The following COL6A6 variants were observed in gnomAD, a reference collection of about 807,000 sequenced individuals.
COL6A6 encodes the protein collagen alpha-6(VI) chain.
In COL6A6, 183 loss-of-function variants were observed where a neutral mutation model predicts 208.6. The ratio of observed to expected loss-of-function variants is 0.88; its 90% CI spans 0.78 to 0.99. The LOEUF is 0.99. COL6A6 is among the 50% of genes least tolerant of loss of function. The probability of loss-of-function intolerance (pLI) is 0.00; values close to 1 mark genes in which losing one functional copy is unlikely to be tolerated. For missense variants in COL6A6, 2,816 were observed against 2,815.2 expected (o/e 1.00, Z -0.01); for synonymous variants, 973 against 1,011.8 (o/e 0.96, Z 0.73).
At position 130,593,045 on chromosome 3, in the gene COL6A6, A is replaced by T. The variant is rs2063757579; in HGVS notation, c.4372-16A>T. ...GCACGTGATGTACTCTGTTCTAATC[A>T]TATCTATCTTTTCAGGGAGAAGTTG... On this transcript the variant is annotated splice_polypyrimidine_tract_variant and intron_variant, in intron 15 of 36. Transcript: ENST00000358511. 6.2e-7 allele frequency: 1 copy of T among 1,611,066 alleles called. No individual in the cohort carries two copies. The highest frequency in any genetic ancestry group is 8.5e-7 in the Non-Finnish European group (1 of 1,177,324).
Position 130,563,241 on chromosome 3 carries a change from C to T in COL6A6, c.238C>T (p.His80Tyr). Reference protein sequence around the residue: ...QYSDKLHSEFHLSTFKGRSPM... With the variant: ...QYSDKLHSEFYLSTFKGRSPM... ...CAGTGATAAACTTCACAGTGAATTC[C>T]ACCTGAGCACCTTCAAAGGCAGGAG... Residue 80 changes from histidine (H) to tyrosine (Y), a missense_variant, in exon 3 of 37, where the codon CAC (histidine) becomes TAC (tyrosine). His to Tyr is a moderately conservative substitution (Grantham distance 83). Coordinates refer to ENST00000358511, the MANE Select transcript of COL6A6 (RefSeq NM_001102608.3). 6.2e-7 allele frequency: 1 copy of T among 1,614,010 alleles called. No homozygotes were observed. The highest frequency in any genetic ancestry group is 1.1e-5 in the South Asian group (1 of 91,080).
At chr3:130,600,592 T>C (rs1239672329) in intron 20 of COL6A6, among the ~76,000 whole-genome samples, 1 of 152,154 alleles carries the variant, frequency 6.6e-6, no homozygotes, top group African/African-American at 2.4e-5. Context: ...GGAGCCATCA[T>C]CCTCAGGAAA....
intron 7 of COL6A6, among the ~76,000 whole-genome samples, chr3:130,573,590 G>A (rs975420020): frequency 5.5e-5 from 8 of 144,366 alleles, no homozygotes; most frequent in Non-Finnish European, 1.1e-4. Context: ...TTTTTGAGAC[G>A]GGGTCTTGCT....
chr3:130,675,167 AT>A, intron 36 of COL6A6, 34 bp from the exon 37 acceptor site: 1 of 1,354,992 alleles, frequency 7.4e-7, no homozygotes, highest in Non-Finnish European at 9.9e-7. Flanking sequence ...TTGAAATGGC[AT>A]TTATCTTCTA....
chr3:130,634,845 T>G (rs1416911747), intron 27 of COL6A6, among the ~76,000 whole-genome samples: 2 of 152,210 alleles, frequency 1.3e-5, no homozygotes, highest in Non-Finnish European at 2.9e-5. Flanking sequence ...GTTTTTTAAT[T>G]AGTATGAGAA....
At chr3:130,626,321 A>G (rs1317926827) in intron 24 of COL6A6, among the ~76,000 whole-genome samples, 164 bp from the exon 25 acceptor site, 1 of 152,216 alleles carries the variant, frequency 6.6e-6, no homozygotes, top group Non-Finnish European at 1.5e-5. Context: ...TCACTGATCA[A>G]TGGAGGACAC....
At chr3:130,569,753 C>T (rs993644286) in intron 6 of COL6A6, among the ~76,000 whole-genome samples, 1 of 152,182 alleles carries the variant, frequency 6.6e-6, no homozygotes, top group East Asian at 1.9e-4. Context: ...TCAAAGACCA[C>T]GGGGACATAG....
At chr3:130,583,803 T>C (rs796670342) in intron 10 of COL6A6, among the ~76,000 whole-genome samples, 5 of 152,302 alleles carry the variant, frequency 3.3e-5, no homozygotes, top group African/African-American at 9.6e-5. Context: ...AAGAAAGTGG[T>C]TTTCTGTATG....
At chr3:130,623,078 C>T (rs779041807) in intron 24 of COL6A6, among the ~76,000 whole-genome samples, 6 of 152,086 alleles carry the variant, frequency 3.9e-5, no homozygotes, top group East Asian at 1.9e-4. Flanking sequence ...GTGGCCAGCA[C>T]GGTGTTATCT....
At chr3:130,586,438 A>G (rs940837512) in intron 10 of COL6A6, 68 bp from the exon 11 acceptor site, 4 of 1,415,620 alleles carry the variant, frequency 2.8e-6, no homozygotes, top group Non-Finnish European at 3.8e-6. Flanking sequence ...AACAATTTAA[A>G]TATGCTTGCA....
intron 26 of COL6A6, among the ~76,000 whole-genome samples, chr3:130,634,242 TAAAAAAA>T (rs202193097): frequency 1.7e-4 from 4 of 23,806 alleles, no homozygotes; most frequent in Non-Finnish European, 2.4e-4. Context: ...AATAAATAAA[TAAAAAAA>T]AAAAAAAAAA....
chr3:130,643,494 T>C (rs375592745), intron 31 of COL6A6, among the ~76,000 whole-genome samples: 2 of 152,344 alleles, frequency 1.3e-5, no homozygotes, highest in African/African-American at 4.8e-5. Context: ...TATTTTTTGT[T>C]GGACTGATTG....
chr3:130,622,315 G>C (rs2108274536), intron 24 of COL6A6, among the ~76,000 whole-genome samples: 1 of 151,356 alleles, frequency 6.6e-6, no homozygotes, highest in South Asian at 2.1e-4. Context: ...TCAGCTCCAG[G>C]AGAGACATCT....
chr3:130,656,324 C>T (rs2065788065), intron 33 of COL6A6, among the ~76,000 whole-genome samples: 1 of 152,172 alleles, frequency 6.6e-6, no homozygotes, highest in African/African-American at 2.4e-5. Context: ...TGAAGAGGAG[C>T]TTTATTGAGT....
rs2065358553 is a variant in COL6A6, at chr3:130,642,885, A to T, written c.5190+18A>T. On this transcript the variant is annotated intron_variant, in intron 30 of 36. Coordinates refer to ENST00000358511, the MANE Select transcript of COL6A6 (RefSeq NM_001102608.3). ...CATTTTCTGTACGTATCTCCCGACTACAACAGAGTGCTCTGAGTGCTCCAT... is the reference window on the plus strand; with the variant it reads ...CATTTTCTGTACGTATCTCCCGACTTCAACAGAGTGCTCTGAGTGCTCCAT... 1 of 1,613,562 alleles carries T rather than the reference A, an allele frequency of 6.2e-7. No individual in the cohort carries two copies.
rs865905649 is a variant in COL6A6 at position 130,599,782 on chromosome 3, C to G, written c.4625C>G (p.Pro1542Arg). The G allele has an allele frequency of 1.3e-5, 21 of 1,613,626 alleles. No individual in the cohort carries two copies. The African/African-American group carries it at 2.4e-4, about 18-fold the overall frequency. Residue 1542 changes from proline to arginine, a missense_variant, in exon 20 of 37, where the codon CCC becomes CGC. Coordinates refer to ENST00000358511, the MANE Select transcript of COL6A6 (RefSeq NM_001102608.3). ...GGCAGAAGAGGCTGGCCAGGCCCCC[C>G]CGGGACACCAGGCTCCAGAAGAAAG... ...RQGRRGWPGP[P>R]GTPGSRRKTA...
chr3:130,541,072 G>A (rs1452521772), intron 1 of COL6A6, among the ~76,000 whole-genome samples: 1 of 152,080 alleles, frequency 6.6e-6, no homozygotes, highest in Non-Finnish European at 1.5e-5. Flanking sequence ...GGTCTTTGAG[G>A]AATCCAATGT....
At chr3:130,532,369 C>T (rs1169111227) in intron 1 of COL6A6, among the ~76,000 whole-genome samples, 1 of 152,162 alleles carries the variant, frequency 6.6e-6, no homozygotes, top group Non-Finnish European at 1.5e-5. Flanking sequence ...TTAATGTGCC[C>T]CTTTTCTGAT....
chr3:130,635,835 T>A (rs748930386), intron 28 of COL6A6, 74 bp downstream of exon 28: 25 of 1,137,270 alleles, frequency 2.2e-5, no homozygotes, highest in African/African-American at 3.1e-5. Context: ...TTACAATAAT[T>A]TGAGTTGTCT....
Sources: allele counts gnomAD v4.1 joint callset (sites outside exome capture counted in the v4.1 genomes callset), GRCh38; gene constraint gnomAD v4.1.1; transcripts MANE v1.5; gene names NCBI Gene and HGNC (gene_info 2026-07-23, HGNC 2026-07-21).